IKBKE: variants seen among roughly 807,000 people sequenced by gnomAD.
The protein encoded by IKBKE is inhibitor of nuclear factor kappa-B kinase subunit epsilon.
IKBKE carries 45 observed loss-of-function variants against 92.1 expected under a neutral mutation model. The observed-to-expected ratio is 0.49, with a 90% CI of 0.38 to 0.63. The LOEUF (loss-of-function observed/expected upper bound fraction) is 0.63. IKBKE is among the 20% of genes least tolerant of loss of function. The pLI is 0.00. For missense variants in IKBKE, 700 were observed against 932.8 expected (o/e 0.75, Z 3.25); for synonymous variants, 374 against 380.3 (o/e 0.98, Z 0.19).
At chr1:206,493,148 T>C (rs1666040723) in intron 19 of IKBKE, 29 bp downstream of exon 19, 2 of 1,576,216 alleles carry the variant, frequency 1.3e-6, no homozygotes, top group African/African-American at 2.7e-5. Flanking sequence ...TTCTAGGTGC[T>C]CTGGGGATGC....
In IKBKE at chr1:206,485,290, G is replaced by A. The variant is rs782464431; in HGVS notation, c.1600G>A (p.Val534Ile). The change falls in exon 15 of 22, where the codon GTA (valine) becomes ATA (isoleucine). Residue 534 changes from valine to isoleucine, a missense_variant. Val to Ile is a conservative substitution (Grantham distance 29, BLOSUM62 3). Transcript: ENST00000581977. This position sits in a 1 kb window ranked among gnomAD's most constrained non-coding sequence, Gnocchi z 5.0. ...GGAGCTGGTGAAGAGCCGGGATCAG[G>A]TACATGAGGACAGAAGGTCTGTGGG... ...NRELVKSRDQ[V>I]HEDRSIQQIQ... 2 of 1,608,718 alleles carry A rather than the reference G, an allele frequency of 1.2e-6. No homozygotes were observed. The highest frequency in any genetic ancestry group is 2.2e-5 in the South Asian group (2 of 90,976).
At position 206,480,464 on chromosome 1, in the gene IKBKE, C is replaced by T; in HGVS notation, c.1358C>T (p.Thr453Ile). ...LHWVMEVLQA[T>I]CRRTLEVART... The stretch of plus-strand genomic sequence containing the variant: ...TTGGACAGGGAGGTGCTCCAGGCCA[C>T]ATGCAGACGGACTCTGGAAGTGGCA... The change falls in exon 13 of 22, where the codon ACA (threonine) becomes ATA (isoleucine). Residue 453 changes from threonine (T) to isoleucine (I), a missense_variant. Physicochemically the swap from Thr to Ile is moderately conservative, Grantham distance 89 (BLOSUM62 -1). Coordinates refer to ENST00000581977, the MANE Select transcript of IKBKE (RefSeq NM_014002.4). The T allele has an allele frequency of 1.9e-6, 3 of 1,613,820 alleles. No individual in the cohort carries two copies. The highest frequency in any genetic ancestry group is 2.5e-6 in the Non-Finnish European group (3 of 1,179,856).
chr1:206,492,410 C>A, intron 18 of IKBKE: 1 of 470,026 alleles, frequency 2.1e-6, no homozygotes, highest in South Asian at 1.6e-5. Context: ...GGGGCTGAGA[C>A]CTTGGCACTC....
intron 4 of IKBKE, 33 bp from the exon 5 acceptor site, chr1:206,474,832 G>A (rs369189107): frequency 3.9e-5 from 62 of 1,607,964 alleles, no homozygotes; most frequent in South Asian, 2.6e-4. Context: ...GAGAAGTGCC[G>A]TCCTCATGAG....
intron 7 of IKBKE, among the ~76,000 whole-genome samples, chr1:206,477,264 G>A (rs181304788): frequency 6.6e-6 from 1 of 152,034 alleles, no homozygotes; most frequent in African/African-American, 2.4e-5. Flanking sequence ...CTCCCTCTGA[G>A]TGCACAGCCC....
chr1:206,493,981 A>G lies in IKBKE; in HGVS notation c.2107A>G (p.Ile703Val), dbSNP rs1553391451. 6.2e-7 allele frequency: 1 copy of G among 1,613,900 alleles called. No homozygotes were observed. The highest frequency in any genetic ancestry group is 8.5e-7 in the Non-Finnish European group (1 of 1,179,792). Residue 703 changes from isoleucine (I) to valine (V), a missense_variant, in exon 21 of 22, where the codon ATC (isoleucine) becomes GTC (valine). Ile to Val is a conservative substitution (Grantham distance 29). Coordinates refer to ENST00000581977, the MANE Select transcript of IKBKE (RefSeq NM_014002.4). ...ATCTGACCTCCTGGACAACAACCGC[A>G]TCATCGAACGGTAAGGAGCTTTCAC... ...LASDLLDNNR[I>V]IERLNRVPAP...
At chr1:206,481,249 G>C (rs1665372185) in intron 13 of IKBKE, among the ~76,000 whole-genome samples, 1 of 152,184 alleles carries the variant, frequency 6.6e-6, no homozygotes, top group Admixed American at 6.5e-5. Flanking sequence ...CTGCAGCCTA[G>C]GGATGCCACT....
At chr1:206,486,043 C>T (rs1289726367) in intron 15 of IKBKE, among the ~76,000 whole-genome samples, 4 of 152,258 alleles carry the variant, frequency 2.6e-5, no homozygotes, top group Non-Finnish European at 5.9e-5. Context: ...TAAATTCAAA[C>T]AGCTCTGAAC....
In IKBKE at chr1:206,491,754, C is replaced by T. The variant is rs1024021417; in HGVS notation, c.1835+5C>T. On this transcript the variant is annotated splice_donor_5th_base_variant and intron_variant, in intron 18 of 21. Transcript: ENST00000581977. ...CACACACGGCAAGAGGATGAGGTAA[C>T]AGCCCCTCCTGAGCTCCTGGAGCCC... 1 of 1,607,368 alleles carries T rather than the reference C, an allele frequency of 6.2e-7. No homozygotes were observed. Among genetic ancestry groups the T allele is most frequent in the Non-Finnish European group, 8.5e-7 (1 of 1,174,506 alleles).
rs1665167386 is a variant in IKBKE, at chr1:206,478,067, T to G, written c.813-93T>G. The G allele has an allele frequency of 4.6e-6, 5 of 1,086,114 alleles. No homozygotes were observed. The South Asian group carries it at 7.1e-5, about 15-fold the overall frequency. The allele number at this position is 1,086,114 out of a possible 1,614,324, so 67.3% of individuals were successfully genotyped here. A position where few individuals can be genotyped will look rare whatever the true frequency, so the allele number is the denominator to read the frequency against. ...GCCCCACCATCTTGGTCCTAGCTCT[T>G]CAGGATATTCTCTTAGAACGCTCCT... On this transcript the variant is annotated intron_variant, in intron 8 of 21. Transcript: ENST00000581977. The surrounding 1 kb of genome is among the most constrained non-coding windows in gnomAD (Gnocchi z 4.8).
chr1:206,484,414 C>T lies in IKBKE; in HGVS notation c.1428-583C>T, dbSNP rs190733161. On this transcript the variant is annotated intron_variant, in intron 13 of 21. Coordinates refer to ENST00000581977, the MANE Select transcript of IKBKE (RefSeq NM_014002.4). Reference sequence around the variant, plus strand: ...GGCTGGTGATGGCCTGATTCCTCTGCTGTACCGTTACATTGTCCCTGTAGA... The same window carrying T: ...GGCTGGTGATGGCCTGATTCCTCTGTTGTACCGTTACATTGTCCCTGTAGA... 2.0e-5 allele frequency among the ~76,000 whole-genome samples: 3 copies of T among 152,324 alleles called. No individual in the cohort carries two copies. The East Asian group carries it at 5.8e-4, about 29-fold the overall frequency.
chr1:206,477,888 C>A (rs782776859), intron 8 of IKBKE, 29 bp downstream of exon 8: 5 of 1,420,410 alleles, frequency 3.5e-6, no homozygotes, highest in South Asian at 2.5e-5. Context: ...GGGGGTGATG[C>A]TGGAGTCTGA....
In IKBKE at chr1:206,473,240, G is replaced by A. The variant is rs782638358; in HGVS notation, c.13G>A (p.Ala5Thr). Residue 5 changes from alanine to threonine, a missense_variant, in exon 3 of 22, where the codon GCC becomes ACC. Transcript: ENST00000581977. MQST[A>T]NYLWHTDDLL... The stretch of plus-strand genomic sequence containing the variant: ...CTCAGGGCAGGAGATGCAGAGCACA[G>A]CCAATTACCTGTGGCACACAGATGA... 7 of 1,612,620 alleles carry A rather than the reference G, an allele frequency of 4.3e-6. No homozygotes were observed. In the South Asian group the frequency reaches 7.7e-5, roughly 18 times the overall value.
chr1:206,486,364 T>C, intron 15 of IKBKE, among the ~76,000 whole-genome samples: 1 of 152,166 alleles, frequency 6.6e-6, no homozygotes, highest in East Asian at 1.9e-4. Context: ...CCCTGTCCTT[T>C]TGGATGAAGG....
chr1:206,489,935 T>C (rs782468643), intron 16 of IKBKE, among the ~76,000 whole-genome samples: 1 of 152,192 alleles, frequency 6.6e-6, no homozygotes, highest in Non-Finnish European at 1.5e-5. Flanking sequence ...TGTTGAAAGA[T>C]ACCATTTTTT....
Position 206,493,339 on chromosome 1 carries a change from C to G in IKBKE, c.2006C>G (p.Ala669Gly). The G allele has an allele frequency of 6.2e-7, 1 of 1,614,004 alleles. No individual in the cohort carries two copies. The highest frequency in any genetic ancestry group is 8.5e-7 in the Non-Finnish European group (1 of 1,179,986). Reference sequence around the variant, plus strand: ...GCTCAGGCCTCGCCGCCTCCCATAGCTCCTTACCCCAGCCCTACACGAAAG... The same window carrying G: ...GCTCAGGCCTCGCCGCCTCCCATAGGTCCTTACCCCAGCCCTACACGAAAG... ...KGAQASPPPI[A>G]PYPSPTRKDL... The change falls in exon 20 of 22, where the codon GCT becomes GGT. Residue 669 changes from alanine to glycine, a missense_variant. Ala to Gly is a moderately conservative substitution (Grantham distance 60). Coordinates refer to ENST00000581977, the MANE Select transcript of IKBKE (RefSeq NM_014002.4).
At chr1:206,489,367 GTGTATA>G (rs1462669720) in intron 16 of IKBKE, among the ~76,000 whole-genome samples, 709 of 51,292 alleles carry the variant, frequency 0.014, 8 homozygotes, top group East Asian at 0.033. Context: ...GTGTGTGTGT[GTGTATA>G]TATATATATA....
intron 18 of IKBKE, chr1:206,492,743 T>C: frequency 1.7e-6 from 1 of 585,578 alleles, no homozygotes; most frequent in East Asian, 3.9e-5. Context: ...ACGCTCACCA[T>C]AGGTGGCATG....
At chr1:206,470,797 T>C (rs1553383675) in intron 1 of IKBKE, 99 bp downstream of exon 1, 1 of 152,180 alleles carries the variant, frequency 6.6e-6, no homozygotes, top group Non-Finnish European at 1.5e-5. Context: ...TGTGGGCTTG[T>C]TGGCAGCGGT....
Sources: allele counts gnomAD v4.1 joint callset (sites outside exome capture counted in the v4.1 genomes callset), GRCh38; gene constraint gnomAD v4.1.1; non-coding constraint Gnocchi (gnomAD v3.1); transcripts MANE v1.5; gene names NCBI Gene and HGNC (gene_info 2026-07-23, HGNC 2026-07-21).